The following SEM1 variants were observed in gnomAD, a reference collection of about 807,000 sequenced individuals.
SEM1 encodes the protein 26S proteasome complex subunit SEM1.
A neutral mutation model predicts 12.7 loss-of-function variants in SEM1; 3 were observed. That is an observed-to-expected ratio of 0.24 (90% confidence interval 0.11 to 0.61). SEM1 has a LOEUF of 0.61. Among genes scored for constraint, SEM1 ranks in the 20% least tolerant of loss-of-function variants. The pLI is 0.88. For synonymous variants in SEM1, 30 were observed against 27.8 expected (o/e 1.08, Z -0.25); for missense variants, 59 against 81.3 (o/e 0.73, Z 1.06).
chr7:96,607,173 A>T (rs1015488021), intron 2 of SEM1, among the ~76,000 whole-genome samples: 1 of 152,230 alleles, frequency 6.6e-6, no homozygotes, highest in Non-Finnish European at 1.5e-5. Flanking sequence ...AAACAAACAG[A>T]TAAAATTCTC....
chr7:96,517,565 G>A (rs1022566965), intron 2 of SEM1, among the ~76,000 whole-genome samples: 6 of 152,086 alleles, frequency 3.9e-5, no homozygotes, highest in African/African-American at 1.4e-4. Flanking sequence ...TCACTAGCGA[G>A]ATGGGGAAAC....
chr7:96,619,695 G>C (rs1441825694), downstream of SEM1, among the ~76,000 whole-genome samples: 1 of 151,644 alleles, frequency 6.6e-6, no homozygotes, highest in Non-Finnish European at 1.5e-5. Flanking sequence ...GCAACCACCG[G>C]GACCCAAGCA....
At chr7:96,661,763 A>G (rs368167652) in intron 2 of SEM1, among the ~76,000 whole-genome samples, 33 of 152,018 alleles carry the variant, frequency 2.2e-4, no homozygotes, top group African/African-American at 7.5e-4. Flanking sequence ...CGAGGCGGGC[A>G]GATCACCTGA....
chr7:96,653,005 C>A (rs1003118177), intron 2 of SEM1, among the ~76,000 whole-genome samples: 9 of 152,192 alleles, frequency 5.9e-5, no homozygotes, highest in African/African-American at 1.7e-4. Context: ...GTGCCAAGCA[C>A]TAAGCTACAT....
intron 2 of SEM1, among the ~76,000 whole-genome samples, chr7:96,652,314 AGT>A (rs751074513): frequency 6.6e-4 from 100 of 152,138 alleles, no homozygotes; most frequent in Non-Finnish European, 1.1e-3. Context: ...GTTAAATGAG[AGT>A]GTGTTTTTCC....
At chr7:96,544,922 C>G (rs563104025) in intron 2 of SEM1, among the ~76,000 whole-genome samples, 1 of 151,678 alleles carries the variant, frequency 6.6e-6, no homozygotes, top group South Asian at 2.1e-4. Flanking sequence ...GTCTCAGGGG[C>G]AGCATAAGCA....
At chr7:96,688,331 G>T (rs1442965899), downstream of SEM1, 2 of 151,914 alleles carry the variant, frequency 1.3e-5, no homozygotes, top group Admixed American at 1.3e-4. Flanking sequence ...AACTACTTTG[G>T]ACTTTAAGTA....
Position 96,547,060 on chromosome 7 carries a change from G to A in SEM1, c.171-40362C>T, listed in dbSNP as rs567315594. ...GTGAGCTTAGACTACAAGAACAGTG[G>A]AAGTCTTTTCTGAACACCTGTTTGT... On this transcript the variant is annotated intron_variant and NMD_transcript_variant, in intron 2 of 3. Transcript: ENST00000466986. Among the ~76,000 whole-genome samples, 15 of 152,112 alleles carry A rather than the reference G, an allele frequency of 9.9e-5. No homozygotes were observed. In the South Asian group the frequency reaches 3.1e-3, roughly 32 times the overall value.
At chr7:96,596,730 A>T (rs1232102805) in intron 2 of SEM1, among the ~76,000 whole-genome samples, 1 of 152,144 alleles carries the variant, frequency 6.6e-6, no homozygotes, top group East Asian at 1.9e-4. Flanking sequence ...TTTTAGATTA[A>T]GTTTCACTGG....
At chr7:96,516,287 TG>T (rs1804093687) in intron 2 of SEM1, among the ~76,000 whole-genome samples, 1 of 151,978 alleles carries the variant, frequency 6.6e-6, no homozygotes, top group African/African-American at 2.4e-5. Context: ...GTCTCAAATA[TG>T]AAAAGACAAG....
At chr7:96,620,770 A>G (rs1194311617), downstream of SEM1, among the ~76,000 whole-genome samples, 4 of 152,182 alleles carry the variant, frequency 2.6e-5, no homozygotes, top group African/African-American at 9.6e-5. Flanking sequence ...CCTTGCCTCT[A>G]ATCAGCCTCT....
At chr7:96,592,230 G>T (rs979072811) in intron 2 of SEM1, among the ~76,000 whole-genome samples, 3 of 151,688 alleles carry the variant, frequency 2.0e-5, no homozygotes, top group African/African-American at 7.3e-5. Context: ...GAAGAGGAGG[G>T]GTCTGTGAGG....
chr7:96,519,907 G>T (rs967182351), intron 2 of SEM1, among the ~76,000 whole-genome samples: 11 of 152,034 alleles, frequency 7.2e-5, no homozygotes, highest in Non-Finnish European at 1.2e-4. Flanking sequence ...TCATGTACTT[G>T]CAAGGAAAGA....
chr7:96,492,586 T>A (rs1410229169), intron 1 of SEM1, among the ~76,000 whole-genome samples: 2 of 13,518 alleles, frequency 1.5e-4, no homozygotes, highest in South Asian at 4.0e-3. Context: ...ATTTTTTGTA[T>A]TTTTTTTTTT....
chr7:96,485,964 T>C (rs1802737965), intron 2 of SEM1, among the ~76,000 whole-genome samples: 1 of 152,104 alleles, frequency 6.6e-6, no homozygotes, highest in African/African-American at 2.4e-5. Context: ...TTGTTTAGCT[T>C]ACCACAGCCA....
intron 2 of SEM1, among the ~76,000 whole-genome samples, chr7:96,630,630 AGCCAAGGTG>A (rs1487157816): frequency 1.3e-5 from 2 of 152,200 alleles, no homozygotes; most frequent in Non-Finnish European, 2.9e-5. Context: ...ATCCCCCTGT[AGCCAAGGTG>A]GCACCTAAGG....
At chr7:96,609,965 A>C (rs1807491867) in intron 2 of SEM1, among the ~76,000 whole-genome samples, 1 of 152,238 alleles carries the variant, frequency 6.6e-6, no homozygotes, top group African/African-American at 2.4e-5. Context: ...TCCTGACTAA[A>C]GATGATTGGT....
intron 2 of SEM1, among the ~76,000 whole-genome samples, chr7:96,636,123 C>T (rs998720602): frequency 7.9e-5 from 12 of 151,874 alleles, no homozygotes; most frequent in African/African-American, 2.7e-4. Context: ...CAATTCAGTG[C>T]AACAGACTAT....
intron 2 of SEM1, among the ~76,000 whole-genome samples, chr7:96,663,263 T>C (rs1225325467): frequency 1.3e-5 from 2 of 152,134 alleles, no homozygotes; most frequent in East Asian, 1.9e-4. Flanking sequence ...CTTTTGTATA[T>C]GTTTTAAAAT....
Sources: allele counts gnomAD v4.1 joint callset (sites outside exome capture counted in the v4.1 genomes callset), GRCh38; gene constraint gnomAD v4.1.1; transcripts MANE v1.5; gene names NCBI Gene and HGNC (gene_info 2026-07-23, HGNC 2026-07-21).